PRR12: variants seen among roughly 807,000 people sequenced by gnomAD.
PRR12 encodes proline rich 12.
In PRR12, 12 loss-of-function variants were observed where a neutral mutation model predicts 138.0. The ratio of observed to expected loss-of-function variants is 0.09; its 90% CI spans 0.06 to 0.14. PRR12 has a LOEUF of 0.14. Ranked by LOEUF, PRR12 falls within the 10% of genes least tolerant of loss-of-function variation. The pLI, the probability that PRR12 is intolerant of heterozygous loss-of-function variation, is 1.00. For missense variants in PRR12, 2,692 were observed against 2,861.3 expected (o/e 0.94, Z 1.35); for synonymous variants, 1,567 against 1,291.7 (o/e 1.21, Z -4.57).
intron 11 of PRR12, among the ~76,000 whole-genome samples, chr19:49,622,735 CAA>C (rs2080929740): frequency 7.4e-6 from 1 of 135,640 alleles, no homozygotes; most frequent in Non-Finnish European, 1.6e-5. Context: ...ACTGAAAATA[CAA>C]AAAAATTAGC....
intron 5 of PRR12, among the ~76,000 whole-genome samples, chr19:49,600,970 C>T (rs2080807104): frequency 6.6e-6 from 1 of 152,110 alleles, no homozygotes. Context: ...AGTGATCCAC[C>T]CACCTCAGCC....
At chr19:49,603,791 A>G (rs1182210245) in intron 6 of PRR12, among the ~76,000 whole-genome samples, 1 of 152,172 alleles carries the variant, frequency 6.6e-6, no homozygotes, top group African/African-American at 2.4e-5. Flanking sequence ...ATTAATTATT[A>G]ATTATAAGGA....
intron 11 of PRR12, among the ~76,000 whole-genome samples, chr19:49,622,673 C>T (rs1568432615): frequency 1.3e-5 from 2 of 149,128 alleles, no homozygotes; most frequent in Admixed American, 6.7e-5. Flanking sequence ...GGATGGATCA[C>T]GAGGTCAGGA....
Position 49,596,786 on chromosome 19 carries a change from C to G in PRR12, c.2451C>G (p.Ser817=). The G allele has an allele frequency of 3.1e-6, 5 of 1,602,326 alleles. No individual in the cohort carries two copies. Among genetic ancestry groups the G allele is most frequent in the Non-Finnish European group, 4.2e-6 (5 of 1,179,332 alleles). The change falls in exon 4 of 14, where the codon TCC becomes TCG. Residue 817 remains serine (S), a synonymous_variant. Transcript: ENST00000418929. This position sits in a 1 kb window ranked among gnomAD's most constrained non-coding sequence, Gnocchi z 5.6. ...SHAPSPSPSA[S]KVGVHLLEPA... is the part of the protein sequence containing the mutation. ...CCCCCAGTCCCTCTCCCAGCGCCTCCAAAGTCGGCGTCCACCTCCTTGAGC... is the reference window on the plus strand; with the variant it reads ...CCCCCAGTCCCTCTCCCAGCGCCTCGAAAGTCGGCGTCCACCTCCTTGAGC...
intron 9 of PRR12, among the ~76,000 whole-genome samples, chr19:49,619,851 CTTTTTTTTTTTT>C (rs55707507): frequency 2.2e-4 from 12 of 53,936 alleles, no homozygotes; most frequent in Admixed American, 2.1e-3. Context: ...CAATGCCTGG[CTTTTTTTTTTTT>C]TTTTTTTTTT....
intron 6 of PRR12, among the ~76,000 whole-genome samples, 179 bp downstream of exon 6, chr19:49,602,097 G>A (rs373137665): frequency 2.2e-4 from 34 of 152,296 alleles, no homozygotes; most frequent in African/African-American, 8.2e-4. Context: ...CCTCAGAGGT[G>A]TTATTTGCGT....
Position 49,595,273 on chromosome 19 carries a change from A to G in PRR12, c.938A>G (p.Tyr313Cys). 3 of 1,545,402 alleles carry G rather than the reference A, an allele frequency of 1.9e-6. No individual in the cohort carries two copies. The highest frequency in any genetic ancestry group is 1.7e-6 in the Non-Finnish European group (2 of 1,146,448). Reference protein sequence around the residue: ...PPPPAHALQHYLSCGGSYPSM... With the variant: ...PPPPAHALQHCLSCGGSYPSM... The stretch of plus-strand genomic sequence containing the variant: ...CCACCAGCCCATGCGCTCCAGCACT[A>G]TCTGAGCTGTGGAGGCAGCTACCCC... The change falls in exon 4 of 14, where the codon TAT becomes TGT. Residue 313 changes from tyrosine (Y) to cysteine (C), a missense_variant. Physicochemically the swap from Tyr to Cys is radical, Grantham distance 194 (BLOSUM62 -2). This residue lies in a region of PRR12 where 523 missense variants were observed against 496.4 expected (regional missense o/e 1.05). Coordinates refer to ENST00000418929, the MANE Select transcript of PRR12 (RefSeq NM_020719.3).
chr19:49,593,875 T>C (rs945410651), intron 2 of PRR12, among the ~76,000 whole-genome samples: 2 of 152,198 alleles, frequency 1.3e-5, no homozygotes, highest in African/African-American at 4.8e-5. Context: ...TGCCTTATTC[T>C]ACCCACCTTG....
In PRR12 at chr19:49,596,227, C is replaced by T. The variant is rs377346725; in HGVS notation, c.1892C>T (p.Pro631Leu). 15 of 1,610,744 alleles carry T rather than the reference C, an allele frequency of 9.3e-6. No homozygotes were observed. In the African/African-American group the frequency reaches 2.0e-4, roughly 21 times the overall value. ...GSELLAGPGG[P>L]PAERTEDEEF... ...GAGCTGCTGGCGGGCCCAGGTGGGC[C>T]TCCTGCGGAGCGCACAGAGGATGAG... is the stretch of plus-strand genomic sequence containing the variant. Residue 631 changes from proline to leucine, a missense_variant, in exon 4 of 14, where the codon CCT becomes CTT. Coordinates refer to ENST00000418929, the MANE Select transcript of PRR12 (RefSeq NM_020719.3). The surrounding 1 kb of genome is among the most constrained non-coding windows in gnomAD (Gnocchi z 5.6).
intron 11 of PRR12, 102 bp downstream of exon 11, chr19:49,621,724 A>T: frequency 4.2e-6 from 4 of 958,678 alleles, no homozygotes; most frequent in East Asian, 2.6e-5. Context: ...TTGGAAGGAG[A>T]TCGTCCTTCT....
chr19:49,602,526 T>C (rs1349342092), intron 6 of PRR12, among the ~76,000 whole-genome samples: 1 of 152,202 alleles, frequency 6.6e-6, no homozygotes, highest in Non-Finnish European at 1.5e-5. Flanking sequence ...AAGTGAATCA[T>C]TTAGGAATGG....
intron 9 of PRR12, among the ~76,000 whole-genome samples, chr19:49,618,819 C>T (rs1257668263): frequency 6.6e-6 from 1 of 152,044 alleles, no homozygotes; most frequent in Non-Finnish European, 1.5e-5. Flanking sequence ...CCTGCCCCAC[C>T]TTCATTCGTT....
In PRR12 at chr19:49,597,799, G is replaced by T; in HGVS notation, c.3464G>T (p.Arg1155Leu). The change falls in exon 4 of 14, where the codon CGT (arginine) becomes CTT (leucine). Residue 1155 changes from arginine to leucine, a missense_variant. Coordinates refer to ENST00000418929, the MANE Select transcript of PRR12 (RefSeq NM_020719.3). The surrounding 1 kb of genome is among the most constrained non-coding windows in gnomAD (Gnocchi z 6.3). ...PNPGPDGPRR[R>L]GRKPTKAKRD... The stretch of plus-strand genomic sequence containing the variant: ...CCAGGACCCGATGGCCCCCGGCGCC[G>T]TGGCCGCAAGCCCACGAAGGCGAAA... 1 of 1,570,136 alleles carries T rather than the reference G, an allele frequency of 6.4e-7. No individual in the cohort carries two copies. The highest frequency in any genetic ancestry group is 8.6e-7 in the Non-Finnish European group (1 of 1,159,070).
In PRR12 at chr19:49,594,413, C is replaced by T. The variant is rs774125213; in HGVS notation, c.200-41C>T. The T allele has an allele frequency of 1.3e-6, 2 of 1,507,202 alleles. No homozygotes were observed. Among genetic ancestry groups the T allele is most frequent in the African/African-American group, 1.4e-5 (1 of 71,434 alleles). 93.4% of individuals were successfully genotyped at this position (1,507,202 alleles called of 1,614,324 possible). A position where few individuals can be genotyped will look rare whatever the true frequency, so the allele number is the denominator to read the frequency against. The stretch of plus-strand genomic sequence containing the variant: ...CCTTTCTCTCTTGACTGTATCCTAC[C>T]CACCCCCACCTGGCTGACTATAACC... On this transcript the variant is annotated intron_variant, in intron 2 of 13. Transcript: ENST00000418929. The surrounding 1 kb of genome is among the most constrained non-coding windows in gnomAD (Gnocchi z 5.6).
chr19:49,592,469 T>G (rs567981737), intron 1 of PRR12, among the ~76,000 whole-genome samples: 58 of 152,288 alleles, frequency 3.8e-4, no homozygotes, highest in Non-Finnish European at 5.9e-4. Flanking sequence ...GTGGGCCCTG[T>G]GCGTGCGTGG....
At position 49,615,797 on chromosome 19, in the gene PRR12, C is replaced by T; in HGVS notation, c.5075C>T (p.Pro1692Leu). 1.2e-6 allele frequency: 2 copies of T among 1,613,034 alleles called. No individual in the cohort carries two copies. Among genetic ancestry groups the T allele is most frequent in the Non-Finnish European group, 8.5e-7 (1 of 1,179,512 alleles). ...NPVSAGGSSA[P>L]PPKAPAPPPK... ...GTATCTGCTGGGGGTAGCTCTGCAC[C>T]TCCCCCTAAGGCCCCAGCACCACCT... The change falls in exon 9 of 14, where the codon CCT becomes CTT. Residue 1692 changes from proline to leucine, a missense_variant. Transcript: ENST00000418929.
rs768696415 is a variant in PRR12 at position 49,594,674 on chromosome 19, C to T, written c.362-23C>T. 2.2e-5 allele frequency: 36 copies of T among 1,610,824 alleles called. No homozygotes were observed. Among genetic ancestry groups the T allele is most frequent in the Non-Finnish European group, 2.2e-5 (26 of 1,179,548 alleles). On this transcript the variant is annotated intron_variant, in intron 3 of 13. Transcript: ENST00000418929. This position sits in a 1 kb window ranked among gnomAD's most constrained non-coding sequence, Gnocchi z 5.6. ...GGGACTGGCTCGCTGTTCTCTCTGA[C>T]GCGCGGTCTTCCTCATCTCCAGCCA... is the stretch of plus-strand genomic sequence containing the variant.
At position 49,621,694 on chromosome 19, in the gene PRR12, G is replaced by A. The variant is rs147192958; in HGVS notation, c.5721+72G>A. The A allele has an allele frequency of 4.1e-4, 513 of 1,251,050 alleles. 1 individual carries two copies. The African/African-American group carries it at 5.8e-3, about 14-fold the overall frequency. 77.5% of individuals were successfully genotyped at this position (1,251,050 alleles called of 1,614,324 possible). Reference sequence around the variant, plus strand: ...TGGAGAAGACATGTACGTGTCGGCCGCTGTTGGCGGGGGTGATCCTTGGAA... The same window carrying A: ...TGGAGAAGACATGTACGTGTCGGCCACTGTTGGCGGGGGTGATCCTTGGAA... On this transcript the variant is annotated intron_variant, in intron 11 of 13. Transcript: ENST00000418929.
chr19:49,610,186 G>A lies in PRR12; in HGVS notation c.4774-4347G>A, dbSNP rs563489525. Reference sequence around the variant, plus strand: ...GACAAGGTTTCACCATGTCGGCCAGGCTGGTCTCGAACTCCCGACCTCAGG... The same window carrying A: ...GACAAGGTTTCACCATGTCGGCCAGACTGGTCTCGAACTCCCGACCTCAGG... On this transcript the variant is annotated intron_variant, in intron 6 of 13. Coordinates refer to ENST00000418929, the MANE Select transcript of PRR12 (RefSeq NM_020719.3). Among the ~76,000 whole-genome samples, 54 of 152,082 alleles carry A rather than the reference G, an allele frequency of 3.6e-4. 1 individual carries two copies. The South Asian group carries it at 0.011, about 32-fold the overall frequency.
Sources: allele counts gnomAD v4.1 joint callset (sites outside exome capture counted in the v4.1 genomes callset), GRCh38; gene constraint gnomAD v4.1.1; regional missense constraint gnomAD v4.1.1; non-coding constraint Gnocchi (gnomAD v3.1); transcripts MANE v1.5; gene names NCBI Gene and HGNC (gene_info 2026-07-23, HGNC 2026-07-21).